Variants in DSCAM observed in about 807,000 individuals in gnomAD.
The protein encoded by DSCAM is DS cell adhesion molecule.
Under a neutral mutation model 217.7 loss-of-function variants are expected in DSCAM, and 47 were observed. The observed-to-expected ratio is 0.22, with a 90% CI of 0.17 to 0.28. DSCAM has a LOEUF of 0.28. DSCAM is among the 10% of genes least tolerant of loss of function. The pLI is 1.00. For synonymous variants in DSCAM, 1,056 were observed against 1,015.3 expected (o/e 1.04, Z -0.76); for missense variants, 2,080 against 2,618.3 (o/e 0.79, Z 4.49).
At position 40,500,798 on chromosome 21, in the gene DSCAM, C is replaced by G. The variant is rs781161918; in HGVS notation, c.509-131553G>C. On this transcript the variant is annotated intron_variant, in intron 3 of 32. Transcript: ENST00000400454. ...CAAAATCAACTCTCTAACGATACTGCTCTTCTGCCCTATAGTCTCCTGCTG... is the reference window on the plus strand; with the variant it reads ...CAAAATCAACTCTCTAACGATACTGGTCTTCTGCCCTATAGTCTCCTGCTG... Among the ~76,000 whole-genome samples the G allele has an allele frequency of 6.9e-4, 105 of 152,310 alleles. 1 individual carries two copies. The highest frequency in any genetic ancestry group is 6.8e-3 in the Middle Eastern group (2 of 294).
chr21:40,162,728 A>G (rs1274830205), intron 16 of DSCAM, among the ~76,000 whole-genome samples: 1 of 152,190 alleles, frequency 6.6e-6, no homozygotes, highest in Non-Finnish European at 1.5e-5. Flanking sequence ...TTAATTCTAA[A>G]TGAGAATTTT....
intron 10 of DSCAM, among the ~76,000 whole-genome samples, chr21:40,289,845 A>C (rs2073869474): frequency 6.6e-6 from 1 of 152,172 alleles, no homozygotes; most frequent in Non-Finnish European, 1.5e-5. Flanking sequence ...GAAGAAAAAA[A>C]CAGAACAAGA....
At chr21:40,616,745 C>T (rs865983566) in intron 3 of DSCAM, among the ~76,000 whole-genome samples, 2 of 152,178 alleles carry the variant, frequency 1.3e-5, no homozygotes, top group Middle Eastern at 3.4e-3. Context: ...TGGCCGGGCG[C>T]GGTGGCTCAC....
At chr21:40,043,789 A>G (rs116905914) in intron 31 of DSCAM, among the ~76,000 whole-genome samples, 23 of 152,298 alleles carry the variant, frequency 1.5e-4, no homozygotes, top group Non-Finnish European at 2.8e-4. Context: ...AAATGTCTCT[A>G]TTTCTCCCAG....
intron 3 of DSCAM, among the ~76,000 whole-genome samples, chr21:40,400,069 C>T (rs1033129896): frequency 6.6e-6 from 1 of 152,110 alleles, no homozygotes; most frequent in South Asian, 2.1e-4. Flanking sequence ...GTCAGCATTC[C>T]CCAGACTCAA....
intron 8 of DSCAM, among the ~76,000 whole-genome samples, chr21:40,329,979 T>C (rs2074358904): frequency 6.6e-6 from 1 of 151,970 alleles, no homozygotes; most frequent in Admixed American, 6.6e-5. Flanking sequence ...TAGCTAATAA[T>C]TTATTGTATT....
Position 40,016,755 on chromosome 21 carries a change from A to G in DSCAM, c.5687-3369T>C, listed in dbSNP as rs1010679747. 6.6e-6 allele frequency among the ~76,000 whole-genome samples: 1 copy of G among 152,238 alleles called. No homozygotes were observed. The highest frequency in any genetic ancestry group is 1.5e-5 in the Non-Finnish European group (1 of 68,046). On this transcript the variant is annotated intron_variant, in intron 32 of 32. Coordinates refer to ENST00000400454, the MANE Select transcript of DSCAM (RefSeq NM_001389.5). This position sits in a 1 kb window ranked among gnomAD's most constrained non-coding sequence, Gnocchi z 4.3. ...AGTGATATGTGTTTAGACAGTGTTT[A>G]AAGCCTGAACCTTAGGAAACACCTT...
chr21:40,800,905 G>A (rs893933365), intron 1 of DSCAM, among the ~76,000 whole-genome samples: 82 of 150,742 alleles, frequency 5.4e-4, no homozygotes, highest in African/African-American at 1.6e-3. Context: ...TAATGGAGAC[G>A]GGGTTTCACT....
chr21:40,229,763 T>A (rs938164315), intron 11 of DSCAM, among the ~76,000 whole-genome samples: 1 of 152,258 alleles, frequency 6.6e-6, no homozygotes, highest in East Asian at 1.9e-4. Flanking sequence ...CACAGCTTGA[T>A]TGGTTCCAAA....
In DSCAM at chr21:40,072,558, C is replaced by A. The variant is rs898525293; in HGVS notation, c.4888+2479G>T. Among the ~76,000 whole-genome samples, 68 of 152,054 alleles carry A rather than the reference C, an allele frequency of 4.5e-4. 1 individual carries two copies. The highest frequency in any genetic ancestry group is 1.5e-3 in the African/African-American group (63 of 41,458). On this transcript the variant is annotated intron_variant, in intron 27 of 32. Transcript: ENST00000400454. ...AGAGACGGGGTTTCACCATGTTAGCCAGGATGGTCTCGATCTCCTGACCTC... is the reference window on the plus strand; with the variant it reads ...AGAGACGGGGTTTCACCATGTTAGCAAGGATGGTCTCGATCTCCTGACCTC...
At chr21:40,077,551 C>T (rs528636820) in intron 26 of DSCAM, among the ~76,000 whole-genome samples, 12 of 152,260 alleles carry the variant, frequency 7.9e-5, no homozygotes, top group East Asian at 5.8e-4. Flanking sequence ...TTTAATAAAG[C>T]GGCCTCCCAA....
At chr21:40,492,623 G>T (rs1180691063) in intron 3 of DSCAM, among the ~76,000 whole-genome samples, 1 of 151,432 alleles carries the variant, frequency 6.6e-6, no homozygotes, top group Admixed American at 6.6e-5. Context: ...ATCAACAGTA[G>T]ACCTGATAAG....
In DSCAM at chr21:40,545,618, C is replaced by T. The variant is rs55714611; in HGVS notation, c.508+147192G>A. Among the ~76,000 whole-genome samples the T allele has an allele frequency of 1.3e-4, 19 of 151,970 alleles. No homozygotes were observed. In the East Asian group the frequency reaches 3.5e-3, roughly 28 times the overall value. ...TCTGGGAACCTCAGTTTCCTCATCT[C>T]TAAAACAGGTGTCCTGGGACACTTG... On this transcript the variant is annotated intron_variant, in intron 3 of 32. Coordinates refer to ENST00000400454, the MANE Select transcript of DSCAM (RefSeq NM_001389.5).
At chr21:40,230,454 G>A (rs2091371327) in intron 11 of DSCAM, among the ~76,000 whole-genome samples, 1 of 152,118 alleles carries the variant, frequency 6.6e-6, no homozygotes. Context: ...TCAAATCTGT[G>A]AGCACTGACC....
At chr21:40,204,444 T>G (rs1289856782) in intron 11 of DSCAM, among the ~76,000 whole-genome samples, 2 of 152,220 alleles carry the variant, frequency 1.3e-5, no homozygotes, top group Non-Finnish European at 2.9e-5. Flanking sequence ...GCATTTTTAT[T>G]ATGTTTATTA....
chr21:40,188,960 A>G, intron 12 of DSCAM, 82 bp downstream of exon 12: 1 of 1,397,038 alleles, frequency 7.2e-7, no homozygotes, highest in Non-Finnish European at 1.0e-6. Flanking sequence ...TCTGCTACTT[A>G]TCTGCACCCG....
chr21:40,290,570 A>T (rs2073879448), intron 10 of DSCAM, among the ~76,000 whole-genome samples: 1 of 152,178 alleles, frequency 6.6e-6, no homozygotes, highest in Non-Finnish European at 1.5e-5. Flanking sequence ...GCAGCGAGCC[A>T]AGATCGTGCC....
intron 3 of DSCAM, among the ~76,000 whole-genome samples, chr21:40,615,045 T>C (rs1425924804): frequency 2.0e-5 from 3 of 151,772 alleles, no homozygotes; most frequent in Non-Finnish European, 2.9e-5. Context: ...GGCTCACGCC[T>C]GTAATCCCAA....
At position 40,078,872 on chromosome 21, in the gene DSCAM, AAGG is replaced by A. The variant is rs776912713; in HGVS notation, c.4523_4525del (p.Ser1508del). On this transcript the variant is annotated inframe_deletion, in exon 26 of 33. Coordinates refer to ENST00000400454, the MANE Select transcript of DSCAM (RefSeq NM_001389.5). The stretch of plus-strand genomic sequence containing the variant: ...CCCAAAGGGCCTGTACTCTAGTGTG[AAGG>A]AGGTGATGGGGCAGCCGCCATCATT... 1 of 1,614,216 alleles carries A rather than the reference AAGG, an allele frequency of 6.2e-7. No homozygotes were observed. Among genetic ancestry groups the A allele is most frequent in the Non-Finnish European group, 8.5e-7 (1 of 1,180,036 alleles).
Sources: allele counts gnomAD v4.1 joint callset (sites outside exome capture counted in the v4.1 genomes callset), GRCh38; gene constraint gnomAD v4.1.1; non-coding constraint Gnocchi (gnomAD v3.1); transcripts MANE v1.5; gene names NCBI Gene and HGNC (gene_info 2026-07-23, HGNC 2026-07-21).